Variants in NEDD9 observed in about 807,000 individuals in gnomAD.
The protein encoded by NEDD9 is neural precursor cell expressed, developmentally down-regulated 9.
NEDD9 carries 26 observed loss-of-function variants against 76.6 expected under a neutral mutation model. That is an observed-to-expected ratio of 0.34 (90% CI 0.25 to 0.47). NEDD9 has a LOEUF of 0.47. Ranked by LOEUF, NEDD9 falls within the 20% of genes least tolerant of loss-of-function variation. The pLI is 1.00. For synonymous variants in NEDD9, 392 were observed against 414.2 expected, an observed-to-expected ratio of 0.95 and a Z score of 0.65; for missense variants, 937 against 1,058.5, an observed-to-expected ratio of 0.89 and a Z score of 1.59.
chr6:11,372,142 C>A (rs1762889468), intron 1 of NEDD9, among the ~76,000 whole-genome samples: 1 of 151,246 alleles, frequency 6.6e-6, no homozygotes, highest in Non-Finnish European at 1.5e-5. Flanking sequence ...ATCCCCCCCA[C>A]CCACAACGCT....
chr6:11,204,899 TG>T (rs1335560430), intron 2 of NEDD9, among the ~76,000 whole-genome samples: 8 of 151,802 alleles, frequency 5.3e-5, no homozygotes, highest in Admixed American at 2.6e-4. Flanking sequence ...TACAGCTAGG[TG>T]GGGGGAACTT....
intron 1 of NEDD9, among the ~76,000 whole-genome samples, chr6:11,214,779 A>C (rs778149132): frequency 2.3e-4 from 35 of 152,216 alleles, no homozygotes; most frequent in Non-Finnish European, 4.6e-4. Context: ...TTGATTCAGC[A>C]CAAGCCCTCG....
chr6:11,233,180 C>T (rs1206748857), upstream of NEDD9: 1 of 514,168 alleles, frequency 1.9e-6, no homozygotes, highest in Admixed American at 2.0e-5. Flanking sequence ...TCCCCCTCCT[C>T]CCGCCTACTT....
chr6:11,350,834 C>T (rs7766648), intron 1 of NEDD9, among the ~76,000 whole-genome samples: 5,837 of 152,064 alleles, frequency 0.038, 423 homozygotes, highest in African/African-American at 0.13. Flanking sequence ...GGTAAACACT[C>T]GGGGGCTCAT....
At chr6:11,318,340 G>A (rs905943863) in intron 2 of NEDD9, among the ~76,000 whole-genome samples, 1 of 152,112 alleles carries the variant, frequency 6.6e-6, no homozygotes, top group Admixed American at 6.6e-5. Context: ...AAAGAAAAGA[G>A]AAAAATAGAA....
intron 5 of NEDD9, among the ~76,000 whole-genome samples, chr6:11,188,946 G>GT: frequency 9.8e-6 from 1 of 101,846 alleles, no homozygotes; most frequent in South Asian, 3.9e-4. Flanking sequence ...GATCTTGGTA[G>GT]ATTTTTTTTT....
chr6:11,233,708 C>G (rs927364264), upstream of NEDD9, among the ~76,000 whole-genome samples: 3 of 152,184 alleles, frequency 2.0e-5, no homozygotes, highest in African/African-American at 7.2e-5. Flanking sequence ...GAAAGAGAAT[C>G]ACCCAGAAAA....
intron 1 of NEDD9, among the ~76,000 whole-genome samples, chr6:11,364,880 T>C (rs926365939): frequency 6.6e-6 from 1 of 152,154 alleles, no homozygotes; most frequent in Non-Finnish European, 1.5e-5. Context: ...ATAACTATTA[T>C]GGTACAGTTC....
intron 3 of NEDD9, among the ~76,000 whole-genome samples, chr6:11,266,363 T>A (rs1341057030): frequency 2.0e-5 from 3 of 152,100 alleles, no homozygotes; most frequent in Non-Finnish European, 4.4e-5. Context: ...TAGTAGCATC[T>A]GGGGATGCTG....
chr6:11,291,825 C>G (rs1462420235), intron 3 of NEDD9, among the ~76,000 whole-genome samples: 5 of 152,166 alleles, frequency 3.3e-5, no homozygotes, highest in African/African-American at 1.2e-4. Flanking sequence ...TCATGGAAGG[C>G]TCTCTCACTA....
intron 2 of NEDD9, among the ~76,000 whole-genome samples, chr6:11,202,456 A>T (rs531674015): frequency 2.2e-4 from 34 of 152,348 alleles, no homozygotes; most frequent in Admixed American, 1.8e-3. Context: ...TTAGGAAAAG[A>T]AACATTACCA....
intron 1 of NEDD9, among the ~76,000 whole-genome samples, chr6:11,226,500 T>C (rs141782143): frequency 5.3e-5 from 8 of 152,332 alleles, no homozygotes; most frequent in African/African-American, 1.9e-4. Context: ...TTTCTGACCC[T>C]AAAATGATCT....
intron 1 of NEDD9, among the ~76,000 whole-genome samples, chr6:11,230,749 C>G (rs1359856052): frequency 6.6e-6 from 1 of 152,204 alleles, no homozygotes; most frequent in Non-Finnish European, 1.5e-5. Context: ...CATCATTTGG[C>G]AAGGTGTTCA....
At chr6:11,203,416 G>T (rs1366902506) in intron 2 of NEDD9, among the ~76,000 whole-genome samples, 3 of 152,208 alleles carry the variant, frequency 2.0e-5, no homozygotes, top group African/African-American at 7.2e-5. Context: ...GGACTGTGAA[G>T]AGGAGGTGAG....
chr6:11,357,116 C>A (rs1762592152), intron 1 of NEDD9, among the ~76,000 whole-genome samples: 1 of 152,186 alleles, frequency 6.6e-6, no homozygotes, highest in Non-Finnish European at 1.5e-5. Flanking sequence ...TTCCTTTTCA[C>A]CCACCAATTC....
intron 1 of NEDD9, among the ~76,000 whole-genome samples, chr6:11,381,971 C>T (rs142909319): frequency 5.1e-4 from 78 of 152,272 alleles, no homozygotes; most frequent in African/African-American, 1.6e-3. Context: ...ACTTGGAGAC[C>T]GGGAGTCACT....
At chr6:11,244,041 C>T (rs1215246670) in intron 3 of NEDD9, among the ~76,000 whole-genome samples, 1 of 152,016 alleles carries the variant, frequency 6.6e-6, no homozygotes, top group Non-Finnish European at 1.5e-5. Flanking sequence ...AAGTAGATAC[C>T]CTCCACCATG....
intron 1 of NEDD9, among the ~76,000 whole-genome samples, chr6:11,227,251 T>C (rs1561797297): frequency 1.3e-5 from 2 of 152,214 alleles, no homozygotes; most frequent in East Asian, 1.9e-4. Flanking sequence ...GATTTTGACA[T>C]AATTCTGTCA....
rs933939585 is a variant in NEDD9, at chr6:11,241,632, G to A, written c.13-27905C>T. Among the ~76,000 whole-genome samples the A allele has an allele frequency of 3.9e-5, 6 of 152,142 alleles. No individual in the cohort carries two copies. The highest frequency in any genetic ancestry group is 7.2e-5 in the African/African-American group (3 of 41,420). On this transcript the variant is annotated intron_variant, in intron 3 of 3. Coordinates refer to the NEDD9 transcript ENST00000397378. This position sits in a 1 kb window ranked among gnomAD's most constrained non-coding sequence, Gnocchi z 4.0. ...GCGGAGGTAGGGACAGTACACAATG[G>A]GGGAGAAGGGAGTGTTTTAAACACC...
Sources: allele counts gnomAD v4.1 joint callset (sites outside exome capture counted in the v4.1 genomes callset), GRCh38; gene constraint gnomAD v4.1.1; non-coding constraint Gnocchi (gnomAD v3.1); transcripts MANE v1.5; gene names NCBI Gene and HGNC (gene_info 2026-07-23, HGNC 2026-07-21).